GRM7: variants seen among roughly 807,000 people sequenced by gnomAD.
The protein encoded by GRM7 is metabotropic glutamate receptor 7.
GRM7 carries 35 observed loss-of-function variants against 84.5 expected under a neutral mutation model. That is an observed-to-expected ratio of 0.41 (90% CI 0.32 to 0.55). GRM7 has a LOEUF of 0.55. Among genes scored for constraint, GRM7 ranks in the 20% least tolerant of loss-of-function variants. GRM7 has a pLI of 0.19. For missense variants in GRM7, 1,003 were observed against 1,194.6 expected (o/e 0.84, Z 2.36); for synonymous variants, 487 against 455.1 (o/e 1.07, Z -0.89).
At chr3:7,432,763 T>C (rs1308067588) in intron 5 of GRM7, among the ~76,000 whole-genome samples, 1 of 151,978 alleles carries the variant, frequency 6.6e-6, no homozygotes, top group Non-Finnish European at 1.5e-5. Flanking sequence ...ACTGAATGGA[T>C]GGGTTAAAAA....
At chr3:7,690,926 C>T in intron 9 of GRM7, 3 of 300,574 alleles carry the variant, frequency 1.0e-5, no homozygotes, top group Non-Finnish European at 2.0e-5. Flanking sequence ...GTCAGTTAAT[C>T]TCCAAAATCT....
At chr3:7,480,742 G>T (rs1363572128) in intron 7 of GRM7, among the ~76,000 whole-genome samples, 1 of 152,120 alleles carries the variant, frequency 6.6e-6, no homozygotes, top group Non-Finnish European at 1.5e-5. Flanking sequence ...TTCAAACTTT[G>T]CTGTACATTC....
At chr3:7,390,724 T>C (rs1314200720) in intron 4 of GRM7, among the ~76,000 whole-genome samples, 1 of 152,126 alleles carries the variant, frequency 6.6e-6, no homozygotes, top group East Asian at 1.9e-4. Flanking sequence ...TTTCTTAATA[T>C]AGCTATGTCA....
At chr3:6,933,674 T>A (rs1697585698) in intron 1 of GRM7, among the ~76,000 whole-genome samples, 1 of 151,980 alleles carries the variant, frequency 6.6e-6, no homozygotes, top group African/African-American at 2.4e-5. Context: ...AGATCAGTTA[T>A]GTGCCTAATA....
intron 1 of GRM7, among the ~76,000 whole-genome samples, chr3:7,060,793 G>A (rs946343355): frequency 6.6e-6 from 1 of 151,856 alleles, no homozygotes; most frequent in East Asian, 2.0e-4. Context: ...GTTGAGAAAG[G>A]TAGGAAAGAA....
chr3:7,713,139 T>G lies in GRM7; in HGVS notation c.2699-27218T>G, dbSNP rs1229932128. On this transcript the variant is annotated intron_variant, in intron 9 of 9. Coordinates refer to ENST00000357716, the MANE Select transcript of GRM7 (RefSeq NM_000844.4). Reference sequence around the variant, plus strand: ...ATTTTGTTTTGTTTTTTTTTTTTTTTTTTTTTTTTTTTTGAGACAATCTTG... The same window carrying G: ...ATTTTGTTTTGTTTTTTTTTTTTTTGTTTTTTTTTTTTTGAGACAATCTTG... Among the ~76,000 whole-genome samples the G allele has an allele frequency of 4.0e-3, 574 of 144,326 alleles. 6 individuals carry two copies. Among genetic ancestry groups the G allele is most frequent in the Non-Finnish European group, 6.1e-3 (398 of 65,530 alleles). The allele number at this position is 144,326 out of a possible 152,430, so 94.7% of individuals were successfully genotyped here.
intron 7 of GRM7, among the ~76,000 whole-genome samples, chr3:7,468,137 G>A (rs377028946): frequency 1.4e-3 from 215 of 152,250 alleles, no homozygotes; most frequent in African/African-American, 5.0e-3. Flanking sequence ...CAGTAAAAAT[G>A]TTTTAGAAAT....
At chr3:7,502,220 A>G (rs1476252713) in intron 7 of GRM7, among the ~76,000 whole-genome samples, 3 of 152,148 alleles carry the variant, frequency 2.0e-5, no homozygotes, top group Non-Finnish European at 2.9e-5. Flanking sequence ...TAAACAGTCA[A>G]TAAGTCATAT....
chr3:7,692,103 A>G (rs1700826022), intron 9 of GRM7, among the ~76,000 whole-genome samples: 1 of 151,994 alleles, frequency 6.6e-6, no homozygotes, highest in African/African-American at 2.4e-5. Flanking sequence ...AACAATCTCT[A>G]TTTTCAAGAT....
intron 1 of GRM7, among the ~76,000 whole-genome samples, chr3:6,924,324 A>G (rs1697226692): frequency 6.6e-6 from 1 of 152,212 alleles, no homozygotes; most frequent in African/African-American, 2.4e-5. Context: ...AAAATCAAAG[A>G]TAAAATGAGA....
At chr3:7,467,560 A>C (rs1698513217) in intron 7 of GRM7, among the ~76,000 whole-genome samples, 1 of 152,266 alleles carries the variant, frequency 6.6e-6, no homozygotes. Context: ...TGAGACATCA[A>C]CATGCTCTTC....
At chr3:7,207,267 G>T (rs910032842) in intron 2 of GRM7, among the ~76,000 whole-genome samples, 11 of 152,152 alleles carry the variant, frequency 7.2e-5, no homozygotes, top group African/African-American at 2.2e-4. Flanking sequence ...ATATACTCGT[G>T]CCTGCATCTC....
rs1359174428 is a variant in GRM7, at chr3:7,191,365, A to C, written c.736+44697A>C. Among the ~76,000 whole-genome samples, 5 of 152,096 alleles carry C rather than the reference A, an allele frequency of 3.3e-5. No homozygotes were observed. The East Asian group carries it at 9.7e-4, about 29-fold the overall frequency. On this transcript the variant is annotated intron_variant, in intron 2 of 9. Transcript: ENST00000357716. ...TATATCCAATGGCTGCTCAATAACT[A>C]TTTGTTAATGAATTAAGACATCACC...
chr3:7,593,918 T>C (rs984659068), intron 8 of GRM7, among the ~76,000 whole-genome samples: 26 of 151,470 alleles, frequency 1.7e-4, no homozygotes, highest in Admixed American at 1.7e-3. Context: ...CTTCCAAAAT[T>C]ACACCCTTGA....
intron 2 of GRM7, among the ~76,000 whole-genome samples, chr3:7,168,526 G>A (rs1394417363): frequency 6.6e-6 from 1 of 152,110 alleles, no homozygotes; most frequent in Non-Finnish European, 1.5e-5. Context: ...AAAAGAGCAG[G>A]ACACTGAATC....
At chr3:7,243,856 G>A (rs1697656204) in intron 2 of GRM7, among the ~76,000 whole-genome samples, 1 of 152,094 alleles carries the variant, frequency 6.6e-6, no homozygotes. Flanking sequence ...GCATGTTATT[G>A]TGCTGAATAC....
chr3:7,037,224 G>A (rs1696418835), intron 1 of GRM7, among the ~76,000 whole-genome samples: 1 of 152,084 alleles, frequency 6.6e-6, no homozygotes, highest in Admixed American at 6.6e-5. Context: ...TTAGAAAAAA[G>A]ACTTGTTTGT....
chr3:6,892,993 T>TG, intron 1 of GRM7: 1 of 152,198 alleles, frequency 6.6e-6, no homozygotes, highest in Admixed American at 6.6e-5. Context: ...ATGATGATGA[T>TG]AATGATGATG....
chr3:7,205,306 C>T (rs746482035), intron 2 of GRM7, among the ~76,000 whole-genome samples: 3 of 152,150 alleles, frequency 2.0e-5, no homozygotes, highest in Non-Finnish European at 4.4e-5. Context: ...TTTAATGTCA[C>T]GTTGTCTAGT....
Sources: allele counts gnomAD v4.1 joint callset (sites outside exome capture counted in the v4.1 genomes callset), GRCh38; gene constraint gnomAD v4.1.1; transcripts MANE v1.5; gene names NCBI Gene and HGNC (gene_info 2026-07-23, HGNC 2026-07-21).